The following ZNF577 variants were observed in gnomAD, a reference collection of about 807,000 sequenced individuals.
ZNF577 encodes the protein zinc finger protein 577.
ZNF577 carries 14 observed loss-of-function variants against 13.9 expected under a neutral mutation model. The ratio of observed to expected loss-of-function variants is 1.00; its 90% confidence interval spans 0.66 to 1.57. ZNF577 has a LOEUF of 1.57. ZNF577 is among the 40% of genes most tolerant of loss of function. ZNF577 has a pLI of 0.00. For synonymous variants in ZNF577, 203 were observed against 202.9 expected (o/e 1.00, Z 0.00); for missense variants, 555 against 579.2 (o/e 0.96, Z 0.43).
chr19:51,809,912 G>T (rs564478513), intron 10 of ZNF577, among the ~76,000 whole-genome samples: 9 of 152,102 alleles, frequency 5.9e-5, no homozygotes, highest in Admixed American at 1.3e-4. Flanking sequence ...GTGGGGCCTG[G>T]GTCCAGGCCC....
chr19:51,876,408 G>A (rs112491382), intron 5 of ZNF577, among the ~76,000 whole-genome samples: 2,223 of 151,934 alleles, frequency 0.015, 53 homozygotes, highest in African/African-American at 0.051. Context: ...GAGAGCTCAG[G>A]CCCTGAGAGT....
chr19:51,854,794 CAT>C (rs1487466560), intron 5 of ZNF577, among the ~76,000 whole-genome samples: 4 of 152,034 alleles, frequency 2.6e-5, no homozygotes, highest in African/African-American at 4.8e-5. Context: ...GAAAGTATAC[CAT>C]ATGTTTCTAA....
chr19:51,850,017 A>C (rs1338663809), intron 5 of ZNF577, among the ~76,000 whole-genome samples: 1 of 152,162 alleles, frequency 6.6e-6, no homozygotes, highest in Non-Finnish European at 1.5e-5. Flanking sequence ...ACAAAATTAG[A>C]CAGAGAACTG....
chr19:51,873,747 A>G (rs1428863930), intron 5 of ZNF577, 41 bp from the exon 6 acceptor site: 1 of 1,455,760 alleles, frequency 6.9e-7, no homozygotes, highest in African/African-American at 1.4e-5. Flanking sequence ...AGCCAAACTT[A>G]TTGTGTCTTT....
In ZNF577 at chr19:51,886,942, T is replaced by C. The variant is rs2084955676; in HGVS notation, c.-340A>G. The C allele has an allele frequency of 6.6e-6, 1 of 152,208 alleles. No individual in the cohort carries two copies. Among genetic ancestry groups the C allele is most frequent in the Non-Finnish European group, 1.5e-5 (1 of 68,044 alleles). 9.4% of individuals were successfully genotyped at this position (152,208 alleles called of 1,614,324 possible). The stretch of plus-strand genomic sequence containing the variant: ...AAAAAAGACGTCAATTTATAAGTTA[T>C]ATGTAATGACATGAGTACAATGAAG... On this transcript the variant is annotated 5_prime_UTR_variant, in exon 1 of 6. The change creates a new upstream start codon in the 5' untranslated region. Coordinates refer to ENST00000638348, the MANE Select transcript of ZNF577 (RefSeq NM_001370449.1).
chr19:51,815,253 G>A (rs1219217645), intron 9 of ZNF577, among the ~76,000 whole-genome samples: 2 of 152,070 alleles, frequency 1.3e-5, no homozygotes, highest in Non-Finnish European at 2.9e-5. Context: ...AGTGGGGACT[G>A]GAGATTGAGC....
rs775740175 is a variant in ZNF577 at position 51,824,036 on chromosome 19, C to T, written c.*600-12362G>A. 5.0e-6 allele frequency: 8 copies of T among 1,614,090 alleles called. No homozygotes were observed. Among genetic ancestry groups the T allele is most frequent in the African/African-American group, 1.3e-5 (1 of 75,026 alleles). ...GAGAAAAATGGCCTTTTGGCTCATT[C>T]CTATGTAAGTTAGTTCATGTTATGA... On this transcript the variant is annotated intron_variant and NMD_transcript_variant, in intron 9 of 10. Transcript: ENST00000638827. The surrounding 1 kb of genome is among the most constrained non-coding windows in gnomAD (Gnocchi z 4.7).
chr19:51,844,012 G>A (rs2084335490), intron 6 of ZNF577, among the ~76,000 whole-genome samples: 1 of 150,610 alleles, frequency 6.6e-6, no homozygotes, highest in Non-Finnish European at 1.5e-5. Flanking sequence ...TTGGAGCAAA[G>A]GGTACACATT....
At position 51,873,360 on chromosome 19, in the gene ZNF577, T is replaced by C; in HGVS notation, c.630A>G (p.Gly210=). The change falls in exon 6 of 6, where the codon GGA becomes GGG. Residue 210 remains glycine (G), a synonymous_variant. Transcript: ENST00000638348. ...ATTCACTACATTCATGGGGCTTCTC[T>C]CCTGTGTGAGTTCTCTGATGCTCAG... is the stretch of plus-strand genomic sequence containing the variant. ...QLTEHQRTHT[G]EKPHECSECG... 6.2e-7 allele frequency: 1 copy of C among 1,614,250 alleles called. No individual in the cohort carries two copies. The highest frequency in any genetic ancestry group is 1.1e-5 in the South Asian group (1 of 91,090).
chr19:51,840,946 A>T (rs1193808306), intron 8 of ZNF577: 1 of 152,206 alleles, frequency 6.6e-6, no homozygotes, highest in Non-Finnish European at 1.5e-5. Context: ...AAAACCAAGC[A>T]ATGCACAGAG....
At chr19:51,845,189 G>A (rs1039010573) in intron 5 of ZNF577, among the ~76,000 whole-genome samples, 1 of 152,044 alleles carries the variant, frequency 6.6e-6, no homozygotes, top group Non-Finnish European at 1.5e-5. Flanking sequence ...ATTCTCTTAA[G>A]CAATTTTCAA....
chr19:51,808,274 A>G, intron 10 of ZNF577, among the ~76,000 whole-genome samples: 2 of 152,270 alleles, frequency 1.3e-5, no homozygotes, highest in Middle Eastern at 6.8e-3. Context: ...CTTTATGGAG[A>G]ACTACTTTCT....
intron 9 of ZNF577, among the ~76,000 whole-genome samples, chr19:51,813,709 T>C (rs566847755): frequency 6.6e-6 from 1 of 152,252 alleles, no homozygotes; most frequent in South Asian, 2.1e-4. Context: ...TTTGCTTTTG[T>C]ATTTTTAGTA....
Position 51,872,438 on chromosome 19 carries a change from C to A in ZNF577, c.*94G>T, listed in dbSNP as rs1240220090. Reference sequence around the variant, plus strand: ...CAGAAATGTCCTCCACAACCACTGCCTCCACAGTGTTTCAGCCCTAAATGA... The same window carrying A: ...CAGAAATGTCCTCCACAACCACTGCATCCACAGTGTTTCAGCCCTAAATGA... On this transcript the variant is annotated 3_prime_UTR_variant, in exon 6 of 6. Coordinates refer to ENST00000638348, the MANE Select transcript of ZNF577 (RefSeq NM_001370449.1). The A allele has an allele frequency of 4.8e-6, 5 of 1,044,588 alleles. No homozygotes were observed. In the African/African-American group the frequency reaches 6.5e-5, roughly 13 times the overall value. 64.7% of individuals were successfully genotyped at this position (1,044,588 alleles called of 1,614,324 possible). A position where few individuals can be genotyped will look rare whatever the true frequency, so the allele number is the denominator to read the frequency against.
At chr19:51,831,903 G>A (rs1490277483) in intron 9 of ZNF577, among the ~76,000 whole-genome samples, 3 of 152,058 alleles carry the variant, frequency 2.0e-5, no homozygotes, top group South Asian at 2.1e-4. Flanking sequence ...TCTTCCTCTT[G>A]AACTTTCATG....
chr19:51,880,355 C>T lies in ZNF577; in HGVS notation c.28G>A (p.Val10Met). 6.2e-7 allele frequency: 1 copy of T among 1,614,128 alleles called. No homozygotes were observed. Among genetic ancestry groups the T allele is most frequent in the South Asian group, 1.1e-5 (1 of 91,086 alleles). Residue 10 changes from valine (V) to methionine (M), a missense_variant, in exon 3 of 6, where the codon GTG becomes ATG. Coordinates refer to ENST00000638348, the MANE Select transcript of ZNF577 (RefSeq NM_001370449.1). The part of the protein sequence containing the change: MKNATIVMS[V>M]RREQGSSSGE... ...GAAGAACTGCCTTGCTCTCTCCTCACAGACATTACAATCGTGGCATTTTTC... is the reference window on the plus strand; with the variant it reads ...GAAGAACTGCCTTGCTCTCTCCTCATAGACATTACAATCGTGGCATTTTTC...
At chr19:51,852,341 G>A (rs899866513) in intron 5 of ZNF577, among the ~76,000 whole-genome samples, 3 of 152,156 alleles carry the variant, frequency 2.0e-5, no homozygotes, top group South Asian at 4.1e-4. Flanking sequence ...TCCAAGACAC[G>A]TCAGCACGAG....
intron 5 of ZNF577, among the ~76,000 whole-genome samples, chr19:51,853,860 C>G (rs569070756): frequency 6.6e-6 from 1 of 152,212 alleles, no homozygotes; most frequent in South Asian, 2.1e-4. Context: ...ATTATAAGCT[C>G]CAAGTTGAGG....
chr19:51,878,558 G>C, intron 3 of ZNF577, 43 bp from the exon 4 acceptor site: 1 of 1,610,154 alleles, frequency 6.2e-7, no homozygotes, highest in Non-Finnish European at 8.5e-7. Flanking sequence ...GATAACAATA[G>C]ATGATGCGGA....
Sources: gnomAD v4.1 joint callset for allele counts (sites outside exome capture counted in the v4.1 genomes callset) on GRCh38, gnomAD v4.1.1 for gene constraint, Gnocchi (gnomAD v3.1) non-coding constraint, MANE v1.5 for transcripts, NCBI Gene and HGNC (gene_info 2026-07-23, HGNC 2026-07-21) for gene names.